Variants in TCTN2 observed in about 807,000 individuals in gnomAD.
The protein encoded by TCTN2 is tectonic family member 2, also known as tectonic-2.
TCTN2 carries 66 observed loss-of-function variants against 83.4 expected under a neutral mutation model. The ratio of observed to expected loss-of-function variants is 0.79; its 90% CI spans 0.65 to 0.97. The LOEUF is 0.97. Ranked by LOEUF, TCTN2 falls within the 50% of genes least tolerant of loss-of-function variation. The pLI, the probability that TCTN2 is intolerant of heterozygous loss-of-function variation, is 0.00. For missense variants in TCTN2, 794 were observed against 858.1 expected (o/e 0.93, Z 0.93); for synonymous variants, 301 against 326.7 (o/e 0.92, Z 0.85).
At chr12:123,674,415 C>G (rs1955795237) in intron 4 of TCTN2, among the ~76,000 whole-genome samples, 1 of 152,108 alleles carries the variant, frequency 6.6e-6, no homozygotes. Flanking sequence ...GGACTACAGG[C>G]TCACGCTACC....
In TCTN2 at chr12:123,698,404, G is replaced by T. The variant is rs114387358; in HGVS notation, c.1505+1206G>T. 3.2e-3 allele frequency among the ~76,000 whole-genome samples: 479 copies of T among 151,500 alleles called. 4 individuals carry two copies. The highest frequency in any genetic ancestry group is 0.011 in the African/African-American group (455 of 41,304). On this transcript the variant is annotated intron_variant, in intron 13 of 17. Coordinates refer to ENST00000303372, the MANE Select transcript of TCTN2 (RefSeq NM_024809.5). The stretch of plus-strand genomic sequence containing the variant: ...CAGTAGCCATCCTAATAGATACTAA[G>T]TGGTATCTCATTGTGGTTTTGATTG...
At chr12:123,684,377 G>A (rs1299181696) in intron 5 of TCTN2, among the ~76,000 whole-genome samples, 2 of 151,458 alleles carry the variant, frequency 1.3e-5, no homozygotes, top group African/African-American at 4.8e-5. Flanking sequence ...GGAAGTTTAG[G>A]GTCTGCATTA....
intron 8 of TCTN2, 151 bp downstream of exon 8, chr12:123,690,825 A>G (rs1956032529): frequency 5.7e-6 from 5 of 876,702 alleles, no homozygotes; most frequent in Non-Finnish European, 9.0e-6. Context: ...GTTCCGTAAG[A>G]CAGCATATTG....
intron 12 of TCTN2, 88 bp from the exon 13 acceptor site, chr12:123,696,999 C>T (rs1027385157): frequency 2.9e-6 from 3 of 1,049,756 alleles, no homozygotes; most frequent in Non-Finnish European, 4.5e-6. Context: ...TTTCTACTTA[C>T]TGTTTTCTGT....
At chr12:123,700,439 T>A (rs1284820993) in intron 14 of TCTN2, among the ~76,000 whole-genome samples, 2 of 152,112 alleles carry the variant, frequency 1.3e-5, no homozygotes, top group Non-Finnish European at 2.9e-5. Context: ...TTTGTTTGGT[T>A]GGTTTTTTTT....
At chr12:123,703,594 C>T (rs1185240172) in intron 14 of TCTN2, among the ~76,000 whole-genome samples, 1 of 152,102 alleles carries the variant, frequency 6.6e-6, no homozygotes, top group African/African-American at 2.4e-5. Flanking sequence ...CTGAAGCAAT[C>T]CTCTCACCTC....
chr12:123,687,123 GT>G, intron 6 of TCTN2, 88 bp downstream of exon 6: 1 of 1,494,946 alleles, frequency 6.7e-7, no homozygotes. Flanking sequence ...ACGCGGTCAC[GT>G]TTTTCCCAAC....
At chr12:123,671,438 G>A in intron 1 of TCTN2, 69 bp from the exon 2 acceptor site, 1 of 1,590,764 alleles carries the variant, frequency 6.3e-7, no homozygotes, top group Admixed American at 1.7e-5. Context: ...AAAGCAAGCC[G>A]CCACACACAC....
At chr12:123,672,700 G>T (rs12822546) in intron 3 of TCTN2, among the ~76,000 whole-genome samples, 1 of 151,796 alleles carries the variant, frequency 6.6e-6, no homozygotes, top group East Asian at 1.9e-4. Flanking sequence ...AGCTATGATC[G>T]CACCACTGCA....
Position 123,706,990 on chromosome 12 carries a change from A to C in TCTN2, c.1901A>C (p.Gln634Pro). 6.2e-7 allele frequency: 1 copy of C among 1,614,154 alleles called. No homozygotes were observed. Residue 634 changes from glutamine to proline, a missense_variant, in exon 17 of 18, where the codon CAG becomes CCG. By Grantham distance (76) the Gln-to-Pro change is moderately conservative. Coordinates refer to ENST00000303372, the MANE Select transcript of TCTN2 (RefSeq NM_024809.5). ...CCCTCTAAAATGTTTTCTAGATTCC[A>C]GATCAATTATACAGAGTATGACTGC... ...AQLPHPLTRF[Q>P]INYTEYDCNR...
In TCTN2 at chr12:123,671,309, G is replaced by A. The variant is rs1429175747; in HGVS notation, c.69G>A (p.Leu23=). 3 of 1,613,778 alleles carry A rather than the reference G, an allele frequency of 1.9e-6. No individual in the cohort carries two copies. The highest frequency in any genetic ancestry group is 2.7e-5 in the African/African-American group (2 of 74,916). The stretch of plus-strand genomic sequence containing the variant: ...TTCTGCAGGGCATCCTGAGGCTTCT[G>A]TGGGGGGACCTGGGTGTGTACGGCG... ...LFLLQGILRL[L]WGDLAFIPPF... is the part of the protein sequence containing the mutation. The change falls in exon 1 of 18, where the codon CTG becomes CTA. Residue 23 remains leucine, a synonymous_variant. Coordinates refer to ENST00000303372, the MANE Select transcript of TCTN2 (RefSeq NM_024809.5).
In TCTN2 at chr12:123,672,061, T is replaced by C. The variant is rs1345686136; in HGVS notation, c.196T>C (p.Leu66=). The change falls in exon 3 of 18, where the codon TTG becomes CTG. Residue 66 remains leucine, a synonymous_variant. Coordinates refer to ENST00000303372, the MANE Select transcript of TCTN2 (RefSeq NM_024809.5). ...LAVLQDEAGI[L]PIPTCGVLNN... The stretch of plus-strand genomic sequence containing the variant: ...TGCTGGTCTTCTTTCTTTAGGAATA[T>C]TGCCAATTCCGACGTGTGGAGTGCT... The C allele has an allele frequency of 6.2e-7, 1 of 1,613,964 alleles. No homozygotes were observed. Among genetic ancestry groups the C allele is most frequent in the African/African-American group, 1.3e-5 (1 of 74,910 alleles).
At chr12:123,703,451 G>A (rs532989010) in intron 14 of TCTN2, among the ~76,000 whole-genome samples, 5 of 152,154 alleles carry the variant, frequency 3.3e-5, no homozygotes, top group African/African-American at 1.2e-4. Context: ...CAAAGTGTTG[G>A]GATTACAGGC....
At chr12:123,681,644 C>G (rs1047646479) in intron 5 of TCTN2, among the ~76,000 whole-genome samples, 9 of 152,166 alleles carry the variant, frequency 5.9e-5, no homozygotes, top group Non-Finnish European at 1.0e-4. Context: ...TATTTATTGG[C>G]TAATGGACAT....
intron 14 of TCTN2, among the ~76,000 whole-genome samples, chr12:123,703,159 G>A (rs1433338276): frequency 3.3e-5 from 5 of 150,000 alleles, no homozygotes; most frequent in Non-Finnish European, 7.4e-5. Flanking sequence ...TGTGGATTTT[G>A]TTTTATTATT....
At chr12:123,697,319 G>C (rs968820554) in intron 13 of TCTN2, 121 bp downstream of exon 13, 2 of 776,056 alleles carry the variant, frequency 2.6e-6, no homozygotes, top group Non-Finnish European at 4.6e-6. Flanking sequence ...ATGTGTAAAA[G>C]TGATAATAAA....
chr12:123,693,376 C>CTTTTTTTTT (rs373196834), intron 9 of TCTN2, among the ~76,000 whole-genome samples: 14 of 92,928 alleles, frequency 1.5e-4, no homozygotes, highest in South Asian at 3.7e-4. Context: ...GCTTTCTTTC[C>CTTTTTTTTT]TTTTTTTTTT....
At chr12:123,678,015 C>G (rs916726678) in intron 4 of TCTN2, among the ~76,000 whole-genome samples, 3 of 152,332 alleles carry the variant, frequency 2.0e-5, no homozygotes, top group South Asian at 4.1e-4. Context: ...AAGCCACGTG[C>G]CCTCCCTGGG....
rs751889337 is a variant in TCTN2 at position 123,673,698 on chromosome 12, C to T, written c.351C>T (p.Pro117=). ...SNETDSFSES[P]CILQTLLVSA... is the part of the protein sequence containing the mutation. Reference sequence around the variant, plus strand: ...AGACAGATTCCTTCTCAGAGTCCCCCTGTATCCTCCAGACCCTTCTGGTTT... The same window carrying T: ...AGACAGATTCCTTCTCAGAGTCCCCTTGTATCCTCCAGACCCTTCTGGTTT... Residue 117 remains proline (P), a synonymous_variant, in exon 4 of 18, where the codon CCC becomes CCT. Transcript: ENST00000303372. 1.2e-6 allele frequency: 2 copies of T among 1,614,216 alleles called. No individual in the cohort carries two copies. Among genetic ancestry groups the T allele is most frequent in the South Asian group, 2.2e-5 (2 of 91,082 alleles).
Sources: gnomAD v4.1 joint callset for allele counts (sites outside exome capture counted in the v4.1 genomes callset) on GRCh38, gnomAD v4.1.1 for gene constraint, MANE v1.5 for transcripts, NCBI Gene and HGNC (gene_info 2026-07-23, HGNC 2026-07-21) for gene names.